The following USP20 variants were observed in gnomAD, a reference collection of about 807,000 sequenced individuals.
USP20 encodes ubiquitin carboxyl-terminal hydrolase 20.
USP20 carries 80 observed loss-of-function variants against 124.2 expected under a neutral mutation model. The ratio of observed to expected loss-of-function variants is 0.64; its 90% CI spans 0.54 to 0.78. The LOEUF (loss-of-function observed/expected upper bound fraction) is 0.78, where lower values mean the gene tolerates loss of function less well. USP20 is among the 30% of genes least tolerant of loss of function. The pLI, the probability that USP20 is intolerant of heterozygous loss-of-function variation, is 0.00. For synonymous variants in USP20, 481 were observed against 512.3 expected (o/e 0.94, Z 0.83); for missense variants, 1,043 against 1,244.4 (o/e 0.84, Z 2.44).
rs2034398840 is a variant in USP20, at chr9:129,876,175, C to G, written c.2346C>G (p.Ile782Met). The change falls in exon 22 of 26, where the codon ATC (isoleucine) becomes ATG (methionine). Residue 782 changes from isoleucine to methionine, a missense_variant. Physicochemically the swap from Ile to Met is conservative, Grantham distance 10. Coordinates refer to ENST00000372429, the MANE Select transcript of USP20 (RefSeq NM_001110303.4). ...TGAACCACCTGTACGTGTGCTCCAT[C>G]TGCCAGGTGGAGATCGAGGCACTGG... The part of the protein sequence containing the change: ...PAVNHLYVCS[I>M]CQVEIEALAK... 1.2e-6 allele frequency: 2 copies of G among 1,613,332 alleles called. No homozygotes were observed. The highest frequency in any genetic ancestry group is 2.7e-5 in the African/African-American group (2 of 74,950).
chr9:129,870,249 C>T (rs933970606), intron 14 of USP20: 49 of 599,214 alleles, frequency 8.2e-5, no homozygotes, highest in Non-Finnish European at 1.4e-4. Context: ...GGAGGCCAGG[C>T]TTGCGGAGAG....
At chr9:129,843,462 G>A (rs1308852244) in intron 1 of USP20, among the ~76,000 whole-genome samples, 1 of 151,626 alleles carries the variant, frequency 6.6e-6, no homozygotes, top group Non-Finnish European at 1.5e-5. Flanking sequence ...CAGTCTGGTC[G>A]CAGTGACTCA....
chr9:129,850,976 A>G (rs1191458553), intron 2 of USP20, among the ~76,000 whole-genome samples: 2 of 152,030 alleles, frequency 1.3e-5, no homozygotes, highest in Non-Finnish European at 2.9e-5. Flanking sequence ...TTTAAGACTC[A>G]TGCAGTCACA....
At chr9:129,871,460 A>G (rs532328079) in intron 15 of USP20, among the ~76,000 whole-genome samples, 19 of 152,228 alleles carry the variant, frequency 1.2e-4, no homozygotes, top group African/African-American at 4.6e-4. Flanking sequence ...CCTGTTAGCT[A>G]TTGTGAGGAA....
In USP20 at chr9:129,865,427, C is replaced by T. The variant is rs376218458; in HGVS notation, c.690+46C>T. On this transcript the variant is annotated intron_variant, in intron 10 of 25. Coordinates refer to ENST00000372429, the MANE Select transcript of USP20 (RefSeq NM_001110303.4). ...AGGGGACACCCAAGGCCATGACCCA[C>T]CAGGCCTGACTTTGACGCCAAAACC... 1.4e-5 allele frequency: 22 copies of T among 1,605,276 alleles called. No individual in the cohort carries two copies. In the African/African-American group the frequency reaches 2.7e-4, roughly 20 times the overall value.
chr9:129,873,522 G>C lies in USP20; in HGVS notation c.1694+7G>C. On this transcript the variant is annotated splice_region_variant and intron_variant, in intron 16 of 25. Transcript: ENST00000372429. The stretch of plus-strand genomic sequence containing the variant: ...GCTGTGAGCGGTGTAAGAAGTAAGT[G>C]AGCCTTCCCCCGCCTTCTCCCTAAC... 2 of 1,614,144 alleles carry C rather than the reference G, an allele frequency of 1.2e-6. No individual in the cohort carries two copies. Among genetic ancestry groups the C allele is most frequent in the Non-Finnish European group, 8.5e-7 (1 of 1,180,024 alleles).
rs1272064978 is a variant in USP20, at chr9:129,835,519, C to T, written c.-129+20C>T. 7.0e-6 allele frequency: 2 copies of T among 283,944 alleles called. No homozygotes were observed. Among genetic ancestry groups the T allele is most frequent in the Non-Finnish European group, 1.3e-5 (2 of 152,914 alleles). 17.6% of individuals were successfully genotyped at this position (283,944 alleles called of 1,614,324 possible). On this transcript the variant is annotated intron_variant, in intron 1 of 25. Transcript: ENST00000372429. The stretch of plus-strand genomic sequence containing the variant: ...GTGCAGGTGAGTTCCGGGCCGCCAC[C>T]GGCTGCTTCTGTGGGCCGGGCCTCT...
intron 1 of USP20, among the ~76,000 whole-genome samples, chr9:129,837,588 G>C (rs145163011): frequency 1.5e-4 from 23 of 152,304 alleles, no homozygotes; most frequent in African/African-American, 5.3e-4. Flanking sequence ...CAGCAAAAGA[G>C]ACAAAAGATC....
At position 129,879,704 on chromosome 9, in the gene USP20, G is replaced by T; in HGVS notation, c.2584+60G>T. The T allele has an allele frequency of 1.3e-6, 2 of 1,589,448 alleles. No individual in the cohort carries two copies. Among genetic ancestry groups the T allele is most frequent in the Non-Finnish European group, 1.7e-6 (2 of 1,158,748 alleles). ...TGCCCTTCCTGGCTGCCAGGCTGCTGCCCAGTCCCGTCCTTCCAGGAGCCC... is the reference window on the plus strand; with the variant it reads ...TGCCCTTCCTGGCTGCCAGGCTGCTTCCCAGTCCCGTCCTTCCAGGAGCCC... On this transcript the variant is annotated intron_variant, in intron 24 of 25. Transcript: ENST00000372429. This position sits in a 1 kb window ranked among gnomAD's most constrained non-coding sequence, Gnocchi z 4.2.
At chr9:129,837,969 A>T (rs901058409) in intron 1 of USP20, among the ~76,000 whole-genome samples, 1 of 152,186 alleles carries the variant, frequency 6.6e-6, no homozygotes, top group Admixed American at 6.5e-5. Context: ...TACCTTAGCA[A>T]GACAAACAGT....
In USP20 at chr9:129,879,658, G is replaced by A. The variant is rs754133382; in HGVS notation, c.2584+14G>A. ...AGCTGAAGCAGGGTGAGTTCCCCCT[G>A]GGGTCAGCCAGGCTCCTCTCTGCCC... On this transcript the variant is annotated intron_variant, in intron 24 of 25. Coordinates refer to ENST00000372429, the MANE Select transcript of USP20 (RefSeq NM_001110303.4). This position sits in a 1 kb window ranked among gnomAD's most constrained non-coding sequence, Gnocchi z 4.2. The A allele has an allele frequency of 3.1e-6, 5 of 1,613,830 alleles. No homozygotes were observed. The East Asian group carries it at 6.7e-5, about 22-fold the overall frequency.
chr9:129,838,727 G>C (rs768004273), intron 1 of USP20, among the ~76,000 whole-genome samples: 2 of 152,204 alleles, frequency 1.3e-5, no homozygotes, highest in Non-Finnish European at 2.9e-5. Flanking sequence ...TCTAATGTGA[G>C]TTTTTTCTAA....
chr9:129,873,599 T>A, intron 16 of USP20, 84 bp downstream of exon 16: 3 of 1,613,012 alleles, frequency 1.9e-6, no homozygotes. Context: ...GAGAGCCCCC[T>A]ATAATCCTGC....
intron 5 of USP20, 152 bp downstream of exon 5, chr9:129,858,264 G>T: frequency 8.7e-7 from 1 of 1,153,002 alleles, no homozygotes; most frequent in Non-Finnish European, 1.2e-6. Flanking sequence ...GAGAATGCAG[G>T]TAAAAACATT....
At chr9:129,870,147 A>C (rs1339152967) in intron 14 of USP20, 1 of 563,158 alleles carries the variant, frequency 1.8e-6, no homozygotes, top group Non-Finnish European at 3.2e-6. Context: ...GAAGGGCAGC[A>C]GCTTTCCCAG....
chr9:129,864,723 A>G (rs948024428), intron 9 of USP20, among the ~76,000 whole-genome samples: 1 of 150,182 alleles, frequency 6.7e-6, no homozygotes, highest in Non-Finnish European at 1.5e-5. Flanking sequence ...GCAGCAAGCC[A>G]AGATCATGCC....
Position 129,880,325 on chromosome 9 carries a change from G to A in USP20, c.*16+36G>A, listed in dbSNP as rs1460482847. 2.6e-6 allele frequency: 4 copies of A among 1,528,872 alleles called. No homozygotes were observed. In the South Asian group the frequency reaches 3.6e-5, roughly 14 times the overall value. The allele number at this position is 1,528,872 out of a possible 1,614,324, so 94.7% of individuals were successfully genotyped here. A position where few individuals can be genotyped will look rare whatever the true frequency, so the allele number is the denominator to read the frequency against. On this transcript the variant is annotated intron_variant, in intron 25 of 25. Coordinates refer to ENST00000372429, the MANE Select transcript of USP20 (RefSeq NM_001110303.4). ...CCGGCTGGTCCCTCCATGGCACTCT[G>A]GGTCCTCTCCTCACTCTCCAGAGAC...
chr9:129,863,391 C>G, intron 9 of USP20, 92 bp downstream of exon 9: 1 of 1,039,902 alleles, frequency 9.6e-7, no homozygotes, highest in Admixed American at 2.5e-5. Flanking sequence ...GGATTCAGCC[C>G]CCAGCGAGGA....
intron 21 of USP20, 38 bp downstream of exon 21, chr9:129,875,679 C>T: frequency 6.3e-7 from 1 of 1,597,066 alleles, no homozygotes; most frequent in Non-Finnish European, 8.6e-7. Context: ...CCGTCCTGTC[C>T]AGGGCCCAGC....
Sources: allele counts gnomAD v4.1 joint callset (sites outside exome capture counted in the v4.1 genomes callset), GRCh38; gene constraint gnomAD v4.1.1; non-coding constraint Gnocchi (gnomAD v3.1); transcripts MANE v1.5; gene names NCBI Gene and HGNC (gene_info 2026-07-23, HGNC 2026-07-21).